Variants in CACNG3 observed in about 807,000 individuals in gnomAD.
The protein encoded by CACNG3 is voltage-dependent calcium channel gamma-3 subunit.
CACNG3 carries 3 observed loss-of-function variants against 28.5 expected under a neutral mutation model. The observed-to-expected ratio is 0.11, with a 90% CI of 0.05 to 0.27. The LOEUF is 0.27. CACNG3 is among the 10% of genes least tolerant of loss of function. The probability of loss-of-function intolerance (pLI) is 1.00; values close to 1 mark genes in which losing one functional copy is unlikely to be tolerated. For missense variants in CACNG3, 236 were observed against 414.4 expected (o/e 0.57, Z 3.74); for synonymous variants, 174 against 162.2 (o/e 1.07, Z -0.55).
At chr16:24,281,045 G>A (rs1407457485) in intron 1 of CACNG3, among the ~76,000 whole-genome samples, 1 of 152,150 alleles carries the variant, frequency 6.6e-6, no homozygotes, top group Non-Finnish European at 1.5e-5. Context: ...ATGGCTATAT[G>A]CGGGGACCAA....
chr16:24,298,852 A>G (rs368562321), intron 1 of CACNG3, among the ~76,000 whole-genome samples: 1 of 152,068 alleles, frequency 6.6e-6, no homozygotes, highest in Admixed American at 6.6e-5. Flanking sequence ...ATATCCCTCA[A>G]TTTGCCTTGG....
In CACNG3 at chr16:24,354,891, C is replaced by G. The variant is rs546224102; in HGVS notation, c.354C>G (p.Gly118=). 6.2e-7 allele frequency: 1 copy of G among 1,612,320 alleles called. No homozygotes were observed. The highest frequency in any genetic ancestry group is 2.2e-5 in the East Asian group (1 of 44,882). The change falls in exon 3 of 4, where the codon GGC becomes GGG. Residue 118 remains glycine (G), a synonymous_variant. Transcript: ENST00000005284. ...PILSVTLLFF[G]GLCVAASEFH... is the part of the protein sequence containing the mutation. Reference sequence around the variant, plus strand: ...TCAGTGTCACGCTGCTGTTCTTCGGCGGGCTCTGCGTGGCAGCCAGTGAGT... The same window carrying G: ...TCAGTGTCACGCTGCTGTTCTTCGGGGGGCTCTGCGTGGCAGCCAGTGAGT...
At chr16:24,306,167 T>C (rs1899182939) in intron 1 of CACNG3, among the ~76,000 whole-genome samples, 2 of 152,212 alleles carry the variant, frequency 1.3e-5, no homozygotes, top group African/African-American at 4.8e-5. Context: ...TTAGTGGGAC[T>C]TGTCACACCA....
intron 1 of CACNG3, among the ~76,000 whole-genome samples, chr16:24,317,479 T>C (rs1298499683): frequency 1.4e-5 from 2 of 147,440 alleles, no homozygotes; most frequent in African/African-American, 5.0e-5. Context: ...AAGGCAGAGG[T>C]TGCAGAGAGC....
intron 1 of CACNG3, among the ~76,000 whole-genome samples, chr16:24,269,238 G>A (rs1235583683): frequency 6.6e-6 from 1 of 152,194 alleles, no homozygotes; most frequent in African/African-American, 2.4e-5. Flanking sequence ...ACAACCTGTT[G>A]TACAGCAGAT....
At chr16:24,260,063 C>T (rs746446468) in intron 1 of CACNG3, among the ~76,000 whole-genome samples, 6 of 152,156 alleles carry the variant, frequency 3.9e-5, no homozygotes, top group South Asian at 2.1e-4. Context: ...TCCCATCACT[C>T]AAGGAGGAGA....
At chr16:24,319,611 TA>T (rs71154302) in intron 1 of CACNG3, among the ~76,000 whole-genome samples, 96,216 of 150,588 alleles carry the variant, frequency 0.64, 30,862 homozygotes, top group Middle Eastern at 0.72. Context: ...TTTATTTATT[TA>T]TTTAATTTAT....
chr16:24,305,320 A>ATGTGTGTGTG (rs57584370), intron 1 of CACNG3, among the ~76,000 whole-genome samples: 48 of 136,212 alleles, frequency 3.5e-4, no homozygotes, highest in Admixed American at 1.2e-3. Flanking sequence ...ATACATAAAT[A>ATGTGTGTGTG]TGTGTGTGTG....
At chr16:24,348,424 G>A (rs9934737) in intron 2 of CACNG3, among the ~76,000 whole-genome samples, 3,971 of 152,146 alleles carry the variant, frequency 0.026, 67 homozygotes, top group African/African-American at 0.036. Context: ...CTGGCTACAC[G>A]GTGTGGAGGA....
At chr16:24,358,983 T>C (rs1021103301) in intron 3 of CACNG3, among the ~76,000 whole-genome samples, 4 of 152,186 alleles carry the variant, frequency 2.6e-5, no homozygotes, top group African/African-American at 9.7e-5. Context: ...CTGTAAATAA[T>C]TGGCAATTCG....
intron 3 of CACNG3, among the ~76,000 whole-genome samples, chr16:24,360,977 G>C (rs1392964470): frequency 2.0e-5 from 3 of 152,106 alleles, no homozygotes; most frequent in African/African-American, 7.2e-5. Context: ...TGCTACTAAT[G>C]GTAAAGAATT....
At chr16:24,357,805 T>C (rs75261983) in intron 3 of CACNG3, among the ~76,000 whole-genome samples, 2,023 of 152,334 alleles carry the variant, frequency 0.013, 54 homozygotes, top group African/African-American at 0.046. Context: ...GTCATGCTGA[T>C]GTGAGAGTTT....
chr16:24,353,866 C>T (rs1352146747), intron 2 of CACNG3, among the ~76,000 whole-genome samples: 1 of 152,094 alleles, frequency 6.6e-6, no homozygotes, highest in Non-Finnish European at 1.5e-5. Flanking sequence ...GGGCTGGCTG[C>T]GTCATTTGCA....
chr16:24,329,641 A>G lies in CACNG3; in HGVS notation c.212-17093A>G, dbSNP rs138941013. 3.3e-3 allele frequency among the ~76,000 whole-genome samples: 503 copies of G among 152,324 alleles called. 2 individuals carry two copies. Among genetic ancestry groups the G allele is most frequent in the African/African-American group, 0.012 (486 of 41,572 alleles). On this transcript the variant is annotated intron_variant, in intron 1 of 3. Coordinates refer to ENST00000005284, the MANE Select transcript of CACNG3 (RefSeq NM_006539.4). The stretch of plus-strand genomic sequence containing the variant: ...TCCTGCATTACCTTTTTTAATGAAG[A>G]AAGTGTCACATTAGGGTCAAAAATA...
chr16:24,287,761 C>G (rs566283110), intron 1 of CACNG3, among the ~76,000 whole-genome samples: 11 of 152,070 alleles, frequency 7.2e-5, no homozygotes, highest in South Asian at 4.1e-4. Flanking sequence ...GAGGGAACCT[C>G]TATAACACTA....
At chr16:24,286,241 T>C (rs1412873458) in intron 1 of CACNG3, among the ~76,000 whole-genome samples, 1 of 152,192 alleles carries the variant, frequency 6.6e-6, no homozygotes, top group Non-Finnish European at 1.5e-5. Context: ...ACATATGTTC[T>C]TATATACTAG....
At chr16:24,282,264 G>T (rs1898839117) in intron 1 of CACNG3, among the ~76,000 whole-genome samples, 1 of 152,106 alleles carries the variant, frequency 6.6e-6, no homozygotes, top group Non-Finnish European at 1.5e-5. Flanking sequence ...TCCTATGGCC[G>T]CCTTTTCTAG....
At chr16:24,303,898 A>AC (rs1899147854) in intron 1 of CACNG3, among the ~76,000 whole-genome samples, 1 of 152,030 alleles carries the variant, frequency 6.6e-6, no homozygotes, top group Non-Finnish European at 1.5e-5. Context: ...ACAGAGCAAG[A>AC]CCCCATCTCA....
chr16:24,272,095 C>A (rs1898698042), intron 1 of CACNG3, among the ~76,000 whole-genome samples: 1 of 147,426 alleles, frequency 6.8e-6, no homozygotes. Flanking sequence ...CATTTTCTCT[C>A]TCTCTTTTTT....
Sources: allele counts gnomAD v4.1 joint callset (sites outside exome capture counted in the v4.1 genomes callset), GRCh38; gene constraint gnomAD v4.1.1; transcripts MANE v1.5; gene names NCBI Gene and HGNC (gene_info 2026-07-23, HGNC 2026-07-21).